The following CAPN3 variants were observed in gnomAD, a reference collection of about 807,000 sequenced individuals.
The protein encoded by CAPN3 is calpain-3.
CAPN3 carries 88 observed loss-of-function variants against 114.0 expected under a neutral mutation model. The observed-to-expected ratio is 0.77, with a 90% CI of 0.65 to 0.92. The LOEUF (loss-of-function observed/expected upper bound fraction) is 0.92, where lower values mean the gene tolerates loss of function less well. CAPN3 is among the 40% of genes least tolerant of loss of function. The pLI is 0.00. For missense variants in CAPN3, 1,028 were observed against 1,069.0 expected, an observed-to-expected ratio of 0.96 and a Z score of 0.53; for synonymous variants, 386 against 382.9, an observed-to-expected ratio of 1.01 and a Z score of -0.09.
chr15:42,359,652 CCTT>C lies in CAPN3; in HGVS notation c.-151_-149del. On this transcript the variant is annotated 5_prime_UTR_variant, in exon 1 of 24. An upstream open reading frame in the 5' UTR gains an earlier in-frame stop. Coordinates refer to ENST00000397163, the MANE Select transcript of CAPN3 (RefSeq NM_000070.3). ...TTTAAGATGGACATAACCTGTACGACCTTCTGATGGGCTTTCAACTTTGAACTG... is the reference window on the plus strand; with the variant it reads ...TTTAAGATGGACATAACCTGTACGACCTGATGGGCTTTCAACTTTGAACTG... 6.7e-7 allele frequency: 1 copy of C among 1,496,688 alleles called. No homozygotes were observed. Among genetic ancestry groups the C allele is most frequent in the African/African-American group, 1.4e-5 (1 of 71,210 alleles). 92.7% of individuals were successfully genotyped at this position (1,496,688 alleles called of 1,614,324 possible). A position where few individuals can be genotyped will look rare whatever the true frequency, so the allele number is the denominator to read the frequency against.
chr15:42,392,078 T>G (rs2053569686), intron 6 of CAPN3, among the ~76,000 whole-genome samples: 1 of 151,918 alleles, frequency 6.6e-6, no homozygotes, highest in Admixed American at 6.6e-5. Context: ...GGCAGGAGAA[T>G]CGCTGGAACA....
At position 42,392,627 on chromosome 15, in the gene CAPN3, AC is replaced by A; in HGVS notation, c.946-11del. 6.2e-7 allele frequency: 1 copy of A among 1,609,942 alleles called. No individual in the cohort carries two copies. The highest frequency in any genetic ancestry group is 8.5e-7 in the Non-Finnish European group (1 of 1,176,362). On this transcript the variant is annotated splice_polypyrimidine_tract_variant and intron_variant, in intron 6 of 23. Transcript: ENST00000397163. The stretch of plus-strand genomic sequence containing the variant: ...CCCGCCCCTAATGGGTTCTCTGGTT[AC>A]TGCTCTACAGACAATCATTCCGGTT...
intron 12 of CAPN3, 183 bp downstream of exon 12, chr15:42,402,318 A>ACCAC: frequency 1.3e-6 from 2 of 1,533,802 alleles, no homozygotes; most frequent in Non-Finnish European, 1.7e-6. Flanking sequence ...ACCCATGACT[A>ACCAC]CCACCCCCAG....
intron 14 of CAPN3, among the ~76,000 whole-genome samples, chr15:42,405,281 T>G (rs28364504): frequency 0.04 from 6,075 of 152,294 alleles, 348 homozygotes; most frequent in African/African-American, 0.12. Flanking sequence ...TTTGGTGTTT[T>G]AGTAACCAAT....
intron 4 of CAPN3, 64 bp from the exon 5 acceptor site, chr15:42,388,864 T>C (rs2053474404): frequency 7.2e-7 from 1 of 1,397,954 alleles, no homozygotes; most frequent in Non-Finnish European, 1.0e-6. Flanking sequence ...CTGGTGGCAG[T>C]GGTACCTGGG....
At chr15:42,375,418 G>A (rs886906417) in intron 1 of CAPN3, among the ~76,000 whole-genome samples, 1 of 151,722 alleles carries the variant, frequency 6.6e-6, no homozygotes, top group African/African-American at 2.4e-5. Context: ...TGGCGCAACC[G>A]AGAAGCCCCT....
chr15:42,402,282 G>A lies in CAPN3; in HGVS notation c.1536+147G>A, dbSNP rs1230750634. The A allele has an allele frequency of 4.4e-6, 7 of 1,591,538 alleles. No homozygotes were observed. The African/African-American group carries it at 9.4e-5, about 21-fold the overall frequency. ...CCTTGCCTGTGTTATTTCCACTGCA[G>A]AGCAGGTGCCTCAGGGCATTGCATG... On this transcript the variant is annotated intron_variant, in intron 12 of 23. Transcript: ENST00000397163.
intron 1 of CAPN3, 32 bp downstream of exon 1, chr15:42,360,146 T>A: frequency 2.5e-6 from 4 of 1,613,502 alleles, no homozygotes; most frequent in South Asian, 2.2e-5. Flanking sequence ...GGCTGGGTTT[T>A]CCCCCCACGG....
intron 15 of CAPN3, among the ~76,000 whole-genome samples, chr15:42,406,740 G>T (rs1432325577): frequency 6.6e-6 from 1 of 152,070 alleles, no homozygotes. Flanking sequence ...CCACACTCGG[G>T]CCTGCCAGTG....
At chr15:42,390,790 G>GTTTTTTTTTTTTTTTT (rs373599109) in intron 6 of CAPN3, among the ~76,000 whole-genome samples, 4 of 110,304 alleles carry the variant, frequency 3.6e-5, no homozygotes, top group Non-Finnish European at 5.9e-5. Context: ...TTGTTTTTTT[G>GTTTTTTTTTTTTTTTT]TTTTTTTTTT....
chr15:42,366,826 T>TC (rs1384376769), intron 1 of CAPN3, among the ~76,000 whole-genome samples: 1 of 135,910 alleles, frequency 7.4e-6, no homozygotes, highest in East Asian at 2.0e-4. Flanking sequence ...ATTCTTTTTT[T>TC]TCTTTTTTTT....
intron 3 of CAPN3, among the ~76,000 whole-genome samples, chr15:42,386,522 G>A (rs2053412220): frequency 6.6e-6 from 1 of 152,156 alleles, no homozygotes; most frequent in African/African-American, 2.4e-5. Flanking sequence ...AAGACATCCT[G>A]TTTACTGTGG....
chr15:42,374,999 A>G (rs1337054767), intron 1 of CAPN3, among the ~76,000 whole-genome samples: 1 of 125,036 alleles, frequency 8.0e-6, no homozygotes, highest in Non-Finnish European at 1.5e-5. Context: ...TTATTTATTT[A>G]TTTATTTATT....
rs371784007 is a variant in CAPN3, at chr15:42,399,500, A to T, written c.1202A>T (p.Tyr401Phe). ...TTCTTCCAACCTCTCAGGATGTCCT[A>T]TGAGGATTTCATCTACCATTTCACA... ...VTEDGEFWMS[Y>F]EDFIYHFTKL... Residue 401 changes from tyrosine (Y) to phenylalanine (F), a missense_variant, in exon 10 of 24, where the codon TAT becomes TTT. Coordinates refer to ENST00000397163, the MANE Select transcript of CAPN3 (RefSeq NM_000070.3). The T allele has an allele frequency of 8.1e-6, 13 of 1,613,008 alleles. No homozygotes were observed. The highest frequency in any genetic ancestry group is 4.4e-5 in the South Asian group (4 of 91,056).
chr15:42,410,055 C>T (rs1167638107), intron 19 of CAPN3, 60 bp downstream of exon 19: 2 of 1,496,688 alleles, frequency 1.3e-6, no homozygotes, highest in Non-Finnish European at 1.9e-6. Context: ...GCCAAGGCAA[C>T]ATACAGGGTG....
At chr15:42,386,989 C>G (rs752018688) in intron 3 of CAPN3, among the ~76,000 whole-genome samples, 7 of 152,074 alleles carry the variant, frequency 4.6e-5, no homozygotes, top group African/African-American at 7.2e-5. Context: ...TCTTGCTCCC[C>G]GGGTCTTGCA....
intron 4 of CAPN3, 67 bp downstream of exon 4, chr15:42,387,953 G>C: frequency 6.3e-7 from 1 of 1,595,462 alleles, no homozygotes; most frequent in Non-Finnish European, 8.6e-7. Flanking sequence ...ATCCAGCCGA[G>C]ACCTCACTCA....
At chr15:42,369,339 TAA>T (rs2052871408) in intron 1 of CAPN3, among the ~76,000 whole-genome samples, 1 of 152,088 alleles carries the variant, frequency 6.6e-6, no homozygotes, top group Non-Finnish European at 1.5e-5. Context: ...AGGGGCACTT[TAA>T]AATGGTGGTG....
At chr15:42,389,420 T>G (rs1176582236) in intron 5 of CAPN3, among the ~76,000 whole-genome samples, 1 of 152,208 alleles carries the variant, frequency 6.6e-6, no homozygotes, top group East Asian at 1.9e-4. Context: ...CGTACTTGGC[T>G]GTGGACCTGA....
Sources: gnomAD v4.1 joint callset for allele counts (sites outside exome capture counted in the v4.1 genomes callset) on GRCh38, gnomAD v4.1.1 for gene constraint, MANE v1.5 for transcripts, NCBI Gene and HGNC (gene_info 2026-07-23, HGNC 2026-07-21) for gene names.